The following CAMKMT variants were observed in gnomAD, a reference collection of about 807,000 sequenced individuals.
CAMKMT encodes CaM KMT.
A neutral mutation model predicts 48.0 loss-of-function variants in CAMKMT; 53 were observed. That is an observed-to-expected ratio of 1.10 (90% confidence interval 0.89 to 1.39). The LOEUF (loss-of-function observed/expected upper bound fraction) is 1.39, where lower values mean the gene tolerates loss of function less well. CAMKMT is among the 40% of genes most tolerant of loss of function. The pLI, the probability that CAMKMT is intolerant of heterozygous loss-of-function variation, is 0.00. For missense variants in CAMKMT, 428 were observed against 402.7 expected (o/e 1.06, Z -0.54); for synonymous variants, 165 against 152.3 (o/e 1.08, Z -0.61).
intron 3 of CAMKMT, among the ~76,000 whole-genome samples, chr2:44,509,863 A>T (rs1276604785): frequency 6.6e-6 from 1 of 152,200 alleles, no homozygotes; most frequent in African/African-American, 2.4e-5. Context: ...GTGGGACAAG[A>T]CTTTCACCAG....
chr2:44,523,321 C>T (rs796234129), intron 3 of CAMKMT, among the ~76,000 whole-genome samples: 40 of 145,556 alleles, frequency 2.7e-4, no homozygotes, highest in Middle Eastern at 7.2e-3. Flanking sequence ...GAGACAGAGT[C>T]TCACTCTGTC....
chr2:44,454,056 A>G (rs1230588274), intron 3 of CAMKMT, among the ~76,000 whole-genome samples: 2 of 152,112 alleles, frequency 1.3e-5, no homozygotes, highest in Non-Finnish European at 2.9e-5. Flanking sequence ...TTTACTAAGA[A>G]TAAGGAGACG....
At chr2:44,425,528 C>T (rs1387626164) in intron 3 of CAMKMT, among the ~76,000 whole-genome samples, 3 of 152,060 alleles carry the variant, frequency 2.0e-5, no homozygotes, top group Admixed American at 1.3e-4. Context: ...CTCATTTTTA[C>T]ATTCATATAT....
At chr2:44,605,545 T>A (rs756012927) in intron 3 of CAMKMT, among the ~76,000 whole-genome samples, 4 of 151,986 alleles carry the variant, frequency 2.6e-5, no homozygotes, top group Admixed American at 1.3e-4. Context: ...TAACTCAGAG[T>A]TTGTATATCA....
At chr2:44,613,448 G>T (rs560409723) in intron 3 of CAMKMT, among the ~76,000 whole-genome samples, 24 of 152,186 alleles carry the variant, frequency 1.6e-4, no homozygotes, top group South Asian at 1.2e-3. Context: ...CTAGTGCCAG[G>T]GCAACATCAT....
chr2:44,610,532 C>T (rs2015420), intron 3 of CAMKMT, among the ~76,000 whole-genome samples: 89,009 of 151,996 alleles, frequency 0.59, 27,057 homozygotes, highest in Admixed American at 0.68. Flanking sequence ...TCTAAAGTTT[C>T]GATGGACAAA....
chr2:44,494,928 A>G (rs1669686200), intron 3 of CAMKMT, among the ~76,000 whole-genome samples: 1 of 152,162 alleles, frequency 6.6e-6, no homozygotes, highest in Admixed American at 6.6e-5. Flanking sequence ...CTTTCAAGGC[A>G]GGTACTGTAT....
chr2:44,615,077 C>CA (rs35508442), intron 3 of CAMKMT, among the ~76,000 whole-genome samples: 87,447 of 149,884 alleles, frequency 0.58, 26,052 homozygotes, highest in Admixed American at 0.67. Flanking sequence ...ACAGGTGCAC[C>CA]CCACACCCGG....
rs567549280 is a variant in CAMKMT at position 44,363,940 on chromosome 2, C to T, written c.138+1795C>T. Among the ~76,000 whole-genome samples the T allele has an allele frequency of 7.3e-5, 11 of 151,668 alleles. No homozygotes were observed. In the South Asian group the frequency reaches 2.3e-3, roughly 32 times the overall value. ...TCCTGACCTCAGGTGATTCACTTGC[C>T]TCGCCTCCCGAAGTGCTGGGATTAC... On this transcript the variant is annotated intron_variant, in intron 1 of 10. Transcript: ENST00000378494.
intron 7 of CAMKMT, among the ~76,000 whole-genome samples, chr2:44,733,456 A>G (rs1419712356): frequency 6.6e-6 from 1 of 152,192 alleles, no homozygotes; most frequent in Non-Finnish European, 1.5e-5. Context: ...TTATACAGAA[A>G]GGGACTGTAA....
chr2:44,447,468 A>T (rs1021776973), intron 3 of CAMKMT, among the ~76,000 whole-genome samples: 1 of 152,198 alleles, frequency 6.6e-6, no homozygotes, highest in Non-Finnish European at 1.5e-5. Flanking sequence ...TCATAGTGGG[A>T]TAGGTTATGT....
At chr2:44,676,130 A>G (rs1337108487) in intron 3 of CAMKMT, among the ~76,000 whole-genome samples, 1 of 152,196 alleles carries the variant, frequency 6.6e-6, no homozygotes, top group African/African-American at 2.4e-5. Flanking sequence ...CAGTAAACTC[A>G]TTGAGGTTGC....
chr2:44,537,629 A>G (rs1351125978), intron 3 of CAMKMT, among the ~76,000 whole-genome samples: 2 of 152,154 alleles, frequency 1.3e-5, no homozygotes, highest in Admixed American at 1.3e-4. Context: ...CAATGGTGCA[A>G]TTATGGCTCA....
intron 8 of CAMKMT, among the ~76,000 whole-genome samples, chr2:44,746,742 T>A (rs1199516793): frequency 6.6e-6 from 1 of 152,216 alleles, no homozygotes; most frequent in African/African-American, 2.4e-5. Flanking sequence ...AAAACCTGCC[T>A]ATTAAGTTCC....
At chr2:44,572,261 G>C (rs998748603) in intron 3 of CAMKMT, among the ~76,000 whole-genome samples, 1 of 152,072 alleles carries the variant, frequency 6.6e-6, no homozygotes, top group Non-Finnish European at 1.5e-5. Flanking sequence ...TGCCCAGGCT[G>C]GTCTTAAACT....
rs1207904922 is a variant in CAMKMT, at chr2:44,514,361, C to T, written c.376+124056C>T. ...ATAGAGAGGCTGATAAAGAGGTGAG[C>T]CTATTGAATGAAGCATTTTTAGTAT... On this transcript the variant is annotated intron_variant, in intron 3 of 10. Transcript: ENST00000378494. Among the ~76,000 whole-genome samples, 9 of 152,228 alleles carry T rather than the reference C, an allele frequency of 5.9e-5. No homozygotes were observed. The East Asian group carries it at 1.7e-3, about 29-fold the overall frequency.
intron 3 of CAMKMT, among the ~76,000 whole-genome samples, chr2:44,402,975 T>G (rs1355406915): frequency 6.6e-6 from 1 of 151,916 alleles, no homozygotes; most frequent in Non-Finnish European, 1.5e-5. Flanking sequence ...AATCGCTTTT[T>G]CTGTTTCTTT....
chr2:44,487,749 G>A (rs1669282651), intron 3 of CAMKMT, among the ~76,000 whole-genome samples: 3 of 152,230 alleles, frequency 2.0e-5, no homozygotes, highest in African/African-American at 7.2e-5. Context: ...CAAATGGATA[G>A]TCAGAAGACC....
intron 9 of CAMKMT, among the ~76,000 whole-genome samples, chr2:44,763,398 G>T (rs141133962): frequency 4.2e-3 from 639 of 152,302 alleles, no homozygotes; most frequent in Admixed American, 7.5e-3. Context: ...CGTGGCTTTT[G>T]AATTCCCAAA....
Sources: gnomAD v4.1 joint callset for allele counts (sites outside exome capture counted in the v4.1 genomes callset) on GRCh38, gnomAD v4.1.1 for gene constraint, MANE v1.5 for transcripts, NCBI Gene and HGNC (gene_info 2026-07-23, HGNC 2026-07-21) for gene names.